Variants in ZNF556 observed in about 807,000 individuals in gnomAD.
ZNF556 encodes the protein zinc finger protein 556.
Under a neutral mutation model 13.6 loss-of-function variants are expected in ZNF556, and 11 were observed. The observed-to-expected ratio is 0.81, with a 90% CI of 0.51 to 1.33. The LOEUF is 1.33. Ranked by LOEUF, ZNF556 falls within the 40% of genes most tolerant of loss-of-function variation. ZNF556 has a pLI of 0.00. For missense variants in ZNF556, 633 were observed against 566.2 expected (o/e 1.12, Z -1.20); for synonymous variants, 229 against 207.8 (o/e 1.10, Z -0.88).
At position 2,881,243 on chromosome 19, in the gene ZNF556, A is replaced by C. The variant is rs982823486; in HGVS notation, c.*2914A>C. Reference sequence around the variant, plus strand: ...AATTTAAGTATTAAATAAGTCTAGCAAAAGACATAAAAAGATAACTAATAA... The same window carrying C: ...AATTTAAGTATTAAATAAGTCTAGCCAAAGACATAAAAAGATAACTAATAA... On this transcript the variant is annotated 3_prime_UTR_variant, in exon 4 of 4. Transcript: ENST00000307635. 6 of 152,128 alleles carry C rather than the reference A, an allele frequency of 3.9e-5. No individual in the cohort carries two copies. Among genetic ancestry groups the C allele is most frequent in the Non-Finnish European group, 7.3e-5 (5 of 68,034 alleles). 9.4% of individuals were successfully genotyped at this position (152,128 alleles called of 1,614,324 possible).
intron 1 of ZNF556, among the ~76,000 whole-genome samples, chr19:2,868,664 G>A (rs1736196): frequency 0.16 from 23,136 of 147,840 alleles, 2,965 homozygotes; most frequent in African/African-American, 0.36. Context: ...TGATCCACCC[G>A]CCTTGGCCTC....
Position 2,882,551 on chromosome 19 carries a change from T to C in ZNF556, c.*4222T>C, listed in dbSNP as rs2087913014. 1 of 151,640 alleles carries C rather than the reference T, an allele frequency of 6.6e-6. No homozygotes were observed. The highest frequency in any genetic ancestry group is 2.4e-5 in the African/African-American group (1 of 40,994). The allele number at this position is 151,640 out of a possible 1,614,324, so 9.4% of individuals were successfully genotyped here. ...TATATAGTGTGTGTGTGTGTGTGTG[T>C]GTGTGTGTGTGTGTGAATGTGTGTG... On this transcript the variant is annotated 3_prime_UTR_variant, in exon 4 of 4. Coordinates refer to ENST00000307635, the MANE Select transcript of ZNF556 (RefSeq NM_024967.3).
At position 2,878,059 on chromosome 19, in the gene ZNF556, G is replaced by A; in HGVS notation, c.1101G>A (p.Glu367=). ...CAGATGTCAAATCACAAACTAGAGA[G>A]AAAGTCTATAAATGTGAAACGTGTG... ...PSTDVKSQTR[E]KVYKCETCGK... Residue 367 remains glutamate (E), a synonymous_variant, in exon 4 of 4, where the codon GAG becomes GAA. Coordinates refer to ENST00000307635, the MANE Select transcript of ZNF556 (RefSeq NM_024967.3). The A allele has an allele frequency of 6.2e-7, 1 of 1,614,174 alleles. No individual in the cohort carries two copies. The highest frequency in any genetic ancestry group is 1.1e-5 in the South Asian group (1 of 91,086).
At chr19:2,869,498 C>CT (rs983408820) in intron 1 of ZNF556, among the ~76,000 whole-genome samples, 27 of 152,298 alleles carry the variant, frequency 1.8e-4, no homozygotes, top group Non-Finnish European at 2.9e-4. Context: ...TCCTGGGTAG[C>CT]TGGGACTACA....
chr19:2,876,755 A>G (rs969233072), intron 3 of ZNF556, among the ~76,000 whole-genome samples: 2 of 152,118 alleles, frequency 1.3e-5, no homozygotes, highest in South Asian at 4.1e-4. Context: ...AGAAACAATT[A>G]TCAGAGAGCC....
rs1476414137 is a variant in ZNF556, at chr19:2,879,548, C to G, written c.*1219C>G. The G allele has an allele frequency of 1.3e-5, 2 of 151,856 alleles. No individual in the cohort carries two copies. Among genetic ancestry groups the G allele is most frequent in the African/African-American group, 4.8e-5 (2 of 41,318 alleles). The allele number at this position is 151,856 out of a possible 1,614,324, so 9.4% of individuals were successfully genotyped here. Reference sequence around the variant, plus strand: ...TATTTTTAGTAGAGACGGGGTTTCACCATGTTGGCCAGGGTGGTCTCAAAC... The same window carrying G: ...TATTTTTAGTAGAGACGGGGTTTCAGCATGTTGGCCAGGGTGGTCTCAAAC... On this transcript the variant is annotated 3_prime_UTR_variant, in exon 4 of 4. Transcript: ENST00000307635.
chr19:2,881,071 C>G lies in ZNF556; in HGVS notation c.*2742C>G, dbSNP rs955987744. 2.0e-5 allele frequency: 3 copies of G among 151,604 alleles called. No individual in the cohort carries two copies. Among genetic ancestry groups the G allele is most frequent in the African/African-American group, 4.8e-5 (2 of 41,310 alleles). The allele number at this position is 151,604 out of a possible 1,614,324, so 9.4% of individuals were successfully genotyped here. ...TTAGTAGAGACGGGGTTTCACTATG[C>G]TGGCCAGGCTGGTCTCGATCTCCTG... is the stretch of plus-strand genomic sequence containing the variant. On this transcript the variant is annotated 3_prime_UTR_variant, in exon 4 of 4. Coordinates refer to ENST00000307635, the MANE Select transcript of ZNF556 (RefSeq NM_024967.3).
chr19:2,875,953 G>A (rs953530178), intron 2 of ZNF556, 140 bp from the exon 3 acceptor site: 54 of 749,016 alleles, frequency 7.2e-5, no homozygotes, highest in Admixed American at 6.0e-4. Flanking sequence ...GACAGAGTGA[G>A]ACTCCGTCTC....
Position 2,878,758 on chromosome 19 carries a change from A to C in ZNF556, c.*429A>C. On this transcript the variant is annotated 3_prime_UTR_variant, in exon 4 of 4. Coordinates refer to ENST00000307635, the MANE Select transcript of ZNF556 (RefSeq NM_024967.3). ...TGCCTTTATCAGGACCACATCCTAAAAGTGGGCCTCTAGCAAATGAATTTG... is the reference window on the plus strand; with the variant it reads ...TGCCTTTATCAGGACCACATCCTAACAGTGGGCCTCTAGCAAATGAATTTG... 1 of 155,714 alleles carries C rather than the reference A, an allele frequency of 6.4e-6. No individual in the cohort carries two copies. Among genetic ancestry groups the C allele is most frequent in the South Asian group, 1.9e-4 (1 of 5,154 alleles). The allele number at this position is 155,714 out of a possible 1,614,324, so 9.6% of individuals were successfully genotyped here.
rs1184911535 is a variant in ZNF556 at position 2,880,595 on chromosome 19, C to G, written c.*2266C>G. The G allele has an allele frequency of 6.6e-6, 1 of 151,992 alleles. No homozygotes were observed. The highest frequency in any genetic ancestry group is 2.4e-5 in the African/African-American group (1 of 41,372). The allele number at this position is 151,992 out of a possible 1,614,324, so 9.4% of individuals were successfully genotyped here. A position where few individuals can be genotyped will look rare whatever the true frequency, so the allele number is the denominator to read the frequency against. On this transcript the variant is annotated 3_prime_UTR_variant, in exon 4 of 4. Coordinates refer to ENST00000307635, the MANE Select transcript of ZNF556 (RefSeq NM_024967.3). ...CCATCCTGGCTAACACGGTGAAACC[C>G]CATCTCTACTAAAAATACAAAATAT...
chr19:2,871,570 T>C (rs2087802864), intron 1 of ZNF556, among the ~76,000 whole-genome samples: 1 of 152,076 alleles, frequency 6.6e-6, no homozygotes. Flanking sequence ...TCCCAGCACT[T>C]TGGGAGGCTG....
At chr19:2,868,582 A>G (rs2087776571) in intron 1 of ZNF556, among the ~76,000 whole-genome samples, 1 of 150,990 alleles carries the variant, frequency 6.6e-6, no homozygotes, top group Non-Finnish European at 1.5e-5. Context: ...ACGTCCAGCT[A>G]ATTTTTGTAT....
chr19:2,868,133 T>A lies in ZNF556; in HGVS notation c.3+709T>A, dbSNP rs113549279. ...TTTCTTTTTATTTTCTGTTCCTTTT[T>A]TGCCCGTGTGGTTAAGTTTCTCACA... On this transcript the variant is annotated intron_variant, in intron 1 of 3. Coordinates refer to ENST00000307635, the MANE Select transcript of ZNF556 (RefSeq NM_024967.3). Among the ~76,000 whole-genome samples, 380 of 152,348 alleles carry A rather than the reference T, an allele frequency of 2.5e-3. 3 individuals are homozygous for A. Among genetic ancestry groups the A allele is most frequent in the African/African-American group, 8.6e-3 (358 of 41,592 alleles).
In ZNF556 at chr19:2,877,826, A is replaced by C. The variant is rs1178326887; in HGVS notation, c.868A>C (p.Lys290Gln). The C allele has an allele frequency of 1.2e-6, 2 of 1,614,044 alleles. No homozygotes were observed. Among genetic ancestry groups the C allele is most frequent in the African/African-American group, 1.3e-5 (1 of 74,918 alleles). ...MHAGGRPYEC[K>Q]QCGKAYCWAT... ...CGCCGGAGGGAGACCGTATGAGTGC[A>C]AGCAGTGTGGGAAAGCCTACTGCTG... Residue 290 changes from lysine (K) to glutamine (Q), a missense_variant, in exon 4 of 4, where the codon AAG becomes CAG. Lys to Gln is a moderately conservative substitution (Grantham distance 53). Coordinates refer to ENST00000307635, the MANE Select transcript of ZNF556 (RefSeq NM_024967.3).
chr19:2,877,165 A>G, intron 3 of ZNF556, 108 bp from the exon 4 acceptor site: 1 of 885,572 alleles, frequency 1.1e-6, no homozygotes, highest in Non-Finnish European at 1.7e-6. Flanking sequence ...AGCCAAGATC[A>G]TGCCACTGCA....
At chr19:2,876,460 C>G (rs918839621) in intron 3 of ZNF556, among the ~76,000 whole-genome samples, 184 bp downstream of exon 3, 2 of 152,256 alleles carry the variant, frequency 1.3e-5, no homozygotes, top group South Asian at 4.1e-4. Flanking sequence ...TGGCTCACAC[C>G]TGTAATCCCA....
Position 2,878,146 on chromosome 19 carries a change from A to G in ZNF556, c.1188A>G (p.Lys396=), listed in dbSNP as rs747613668. ...HKHERKHTGE[K]PVNAASVGKP... is the part of the protein sequence containing the mutation. ...ATGAGAGAAAGCACACTGGGGAGAA[A>G]CCTGTAAATGCAGCCAGTGTGGGAA... Residue 396 remains lysine (K), a synonymous_variant, in exon 4 of 4, where the codon AAA becomes AAG. Coordinates refer to ENST00000307635, the MANE Select transcript of ZNF556 (RefSeq NM_024967.3). 6.2e-7 allele frequency: 1 copy of G among 1,614,040 alleles called. No homozygotes were observed. Among genetic ancestry groups the G allele is most frequent in the Non-Finnish European group, 8.5e-7 (1 of 1,179,986 alleles).
Position 2,877,767 on chromosome 19 carries a change from G to A in ZNF556, c.809G>A (p.Cys270Tyr). 5 of 1,613,536 alleles carry A rather than the reference G, an allele frequency of 3.1e-6. No homozygotes were observed. The highest frequency in any genetic ancestry group is 4.2e-6 in the Non-Finnish European group (5 of 1,179,678). The change falls in exon 4 of 4, where the codon TGT becomes TAT. Residue 270 changes from cysteine to tyrosine, a missense_variant. By Grantham distance (194) the Cys-to-Tyr change is radical. Transcript: ENST00000307635. ...ECKHCGKAFR[C>Y]QKSFRVHMIM... ...AAGCACTGTGGGAAAGCCTTCAGGT[G>A]TCAGAAATCCTTTCGAGTCCATATG...
At chr19:2,870,367 G>T (rs1158451856) in intron 1 of ZNF556, among the ~76,000 whole-genome samples, 1 of 152,122 alleles carries the variant, frequency 6.6e-6, no homozygotes, top group Non-Finnish European at 1.5e-5. Flanking sequence ...CAGGAGGATG[G>T]CTTGAGCCCA....
Sources: gnomAD v4.1 joint callset for allele counts (sites outside exome capture counted in the v4.1 genomes callset) on GRCh38, gnomAD v4.1.1 for gene constraint, MANE v1.5 for transcripts, NCBI Gene and HGNC (gene_info 2026-07-23, HGNC 2026-07-21) for gene names.